EIF3CL: variants seen among roughly 807,000 people sequenced by gnomAD.
EIF3CL encodes the protein eukaryotic translation initiation factor 3 subunit C like, also known as eukaryotic translation initiation factor 3 subunit C-like protein.
For synonymous variants in EIF3CL, 2 were observed against 19.6 expected (o/e 0.10, Z 2.37); for missense variants, 5 against 56.1 (o/e 0.09, Z 2.91).
chr16:28,415,888 G>C, the EIF3CL span, among the ~76,000 whole-genome samples: 2 of 92,712 alleles, frequency 2.2e-5, no homozygotes, highest in Non-Finnish European at 4.3e-5. Flanking sequence ...CTCTCCCCAC[G>C]GTCTCCCTCT....
At chr16:28,405,809 A>G, upstream of EIF3CL, among the ~76,000 whole-genome samples, 1 of 152,168 alleles carries the variant, frequency 6.6e-6, no homozygotes, top group South Asian at 2.1e-4. Flanking sequence ...AGAAGCAAAC[A>G]CAATTGTCAG....
chr16:28,415,800 C>G, the EIF3CL span, among the ~76,000 whole-genome samples: 1 of 105,490 alleles, frequency 9.5e-6, no homozygotes, highest in East Asian at 2.6e-4. Context: ...TGCCCTCTCC[C>G]TCTCCCTCTC....
At chr16:28,417,780 C>A in the EIF3CL span, among the ~76,000 whole-genome samples, 1 of 142,058 alleles carries the variant, frequency 7.0e-6, no homozygotes, top group Non-Finnish European at 1.6e-5. Flanking sequence ...CCTGCCAAAT[C>A]CCCCTCTGTG....
At chr16:28,426,030 C>T in the EIF3CL span, among the ~76,000 whole-genome samples, 2 of 112,954 alleles carry the variant, frequency 1.8e-5, no homozygotes, top group African/African-American at 6.3e-5. Flanking sequence ...TGCAGTCAGC[C>T]GAGATCATGC....
chr16:28,417,800 C>A, the EIF3CL span, among the ~76,000 whole-genome samples: 19 of 123,316 alleles, frequency 1.5e-4, no homozygotes, highest in African/African-American at 5.0e-4. Context: ...GAGAAACACC[C>A]AAGAATTATC....
At chr16:28,419,149 G>A in the EIF3CL span, among the ~76,000 whole-genome samples, 1,380 of 143,012 alleles carry the variant, frequency 9.6e-3, 97 homozygotes, top group African/African-American at 0.037. Flanking sequence ...TAGGACTACA[G>A]GTGCCCGCCA....
At chr16:28,426,102 T>TAC in the EIF3CL span, among the ~76,000 whole-genome samples, 125 of 96,524 alleles carry the variant, frequency 1.3e-3, 10 homozygotes, top group African/African-American at 3.8e-3. Context: ...CACACACACA[T>TAC]ACACACACAC....
At chr16:28,415,124 C>G in the EIF3CL span, 1 of 320,218 alleles carries the variant, frequency 3.1e-6, no homozygotes, top group South Asian at 2.1e-5. Flanking sequence ...TCCACTTCCG[C>G]TGCTCCCCCT....
chr16:28,386,584 C>T (rs1461351435), intron 15 of EIF3CL, among the ~76,000 whole-genome samples: 1 of 18,392 alleles, frequency 5.4e-5, no homozygotes, highest in Non-Finnish European at 9.7e-5. Flanking sequence ...GAAATCTTGT[C>T]TCTATTAAAT....
Position 28,385,454 on chromosome 16 carries a change from GA to G in EIF3CL, c.1822-1974del, listed in dbSNP as rs2045596289. Reference sequence around the variant, plus strand: ...TCAAGCAATCCTACCTCAGCCTCCTGAGTAGGTGGGACTACAGGCGTGCACC... The same window carrying G: ...TCAAGCAATCCTACCTCAGCCTCCTGGTAGGTGGGACTACAGGCGTGCACC... On this transcript the variant is annotated intron_variant, in intron 15 of 20. Coordinates refer to ENST00000380876, the MANE Select transcript of EIF3CL (RefSeq NM_001317857.2). Among the ~76,000 whole-genome samples the G allele has an allele frequency of 2.5e-5, 3 of 117,804 alleles. 1 individual carries two copies. The highest frequency in any genetic ancestry group is 8.8e-5 in the African/African-American group (3 of 34,070). The allele number at this position is 117,804 out of a possible 152,430, so 77.3% of individuals were successfully genotyped here. A position where few individuals can be genotyped will look rare whatever the true frequency, so the allele number is the denominator to read the frequency against.
the EIF3CL span, among the ~76,000 whole-genome samples, chr16:28,417,872 CAAAAAA>C: frequency 2.9e-4 from 32 of 109,670 alleles, no homozygotes; most frequent in African/African-American, 8.2e-4. Flanking sequence ...TTTAGGAATG[CAAAAAA>C]AAAAAAAAAA....
chr16:28,417,163 G>A, the EIF3CL span, among the ~76,000 whole-genome samples: 21 of 142,204 alleles, frequency 1.5e-4, no homozygotes, highest in Non-Finnish European at 3.1e-4. Context: ...CCCCCCGCCC[G>A]GCCAGCCGCC....
chr16:28,416,691 A>C, the EIF3CL span, among the ~76,000 whole-genome samples: 18 of 91,506 alleles, frequency 2.0e-4, no homozygotes, highest in African/African-American at 3.6e-4. Context: ...TCCGCCCGGC[A>C]GCCACCCCAT....
At chr16:28,417,798 C>T in the EIF3CL span, among the ~76,000 whole-genome samples, 1 of 142,638 alleles carries the variant, frequency 7.0e-6, no homozygotes, top group Admixed American at 7.1e-5. Context: ...GTGAGAAACA[C>T]CCAAGAATTA....
the EIF3CL span, chr16:28,414,336 CAGTGAG>C: frequency 3.3e-6 from 1 of 302,994 alleles, no homozygotes; most frequent in Admixed American, 5.0e-5. Context: ...GCGGAGGCTG[CAGTGAG>C]CCAAGATCAT....
At chr16:28,421,850 C>A in the EIF3CL span, among the ~76,000 whole-genome samples, 1 of 133,972 alleles carries the variant, frequency 7.5e-6, no homozygotes, top group African/African-American at 2.7e-5. Flanking sequence ...TTGGATTTTT[C>A]TCTTGCTATC....
chr16:28,422,742 C>T, the EIF3CL span, among the ~76,000 whole-genome samples: 7 of 138,966 alleles, frequency 5.0e-5, no homozygotes, highest in Non-Finnish European at 9.4e-5. Context: ...GAGGCTGAAG[C>T]AGGAAAATCC....
Position 28,382,190 on chromosome 16 carries a change from A to C in EIF3CL, c.2185+928T>G, listed in dbSNP as rs1249626348. On this transcript the variant is annotated intron_variant, in intron 16 of 20. Transcript: ENST00000380876. The stretch of plus-strand genomic sequence containing the variant: ...GCGCCACTGCACTCCAGTCTGGGCA[A>C]CAGTGAGGCTCCGTCTCAAAAAAAA... Among the ~76,000 whole-genome samples the C allele has an allele frequency of 3.1e-4, 24 of 78,472 alleles. 2 individuals are homozygous for C. The highest frequency in any genetic ancestry group is 8.5e-4 in the African/African-American group (24 of 28,352). The allele number at this position is 78,472 out of a possible 152,430, so 51.5% of individuals were successfully genotyped here.
the EIF3CL span, among the ~76,000 whole-genome samples, chr16:28,416,819 G>A: frequency 2.1e-4 from 15 of 71,900 alleles, no homozygotes; most frequent in East Asian, 4.9e-4. Context: ...GCCTCTGCCC[G>A]GCCGCCCCTA....
Sources: gnomAD v4.1 joint callset for allele counts (sites outside exome capture counted in the v4.1 genomes callset) on GRCh38, gnomAD v4.1.1 for gene constraint, MANE v1.5 for transcripts, NCBI Gene and HGNC (gene_info 2026-07-23, HGNC 2026-07-21) for gene names.